Variants in CSMD1 observed in about 807,000 individuals in gnomAD.
The protein encoded by CSMD1 is CUB and Sushi multiple domains 1.
A neutral mutation model predicts 417.5 loss-of-function variants in CSMD1; 213 were observed. The observed-to-expected ratio is 0.51, with a 90% CI of 0.46 to 0.57. CSMD1 has a LOEUF of 0.57. Among genes scored for constraint, CSMD1 ranks in the 20% least tolerant of loss-of-function variants. The pLI is 0.00. For missense variants in CSMD1, 6,923 were observed against 4,529.7 expected (o/e 1.53, Z -15.17); for synonymous variants, 2,862 against 1,736.8 (o/e 1.65, Z -16.11).
At chr8:3,335,259 C>G (rs1188206887) in intron 23 of CSMD1, among the ~76,000 whole-genome samples, 1 of 152,180 alleles carries the variant, frequency 6.6e-6, no homozygotes, top group Non-Finnish European at 1.5e-5. Context: ...ATTCACAGTT[C>G]CAACCTCTCA....
At chr8:3,433,182 T>C (rs1296831219) in intron 12 of CSMD1, among the ~76,000 whole-genome samples, 2 of 152,210 alleles carry the variant, frequency 1.3e-5, no homozygotes, top group Admixed American at 6.5e-5. Flanking sequence ...GAAATAGAAA[T>C]AAACTTTATT....
rs143320614 is a variant in CSMD1 at position 3,936,778 on chromosome 8, T to C, written c.818+61125A>G. Among the ~76,000 whole-genome samples, 14 of 152,302 alleles carry C rather than the reference T, an allele frequency of 9.2e-5. No homozygotes were observed. The East Asian group carries it at 2.7e-3, about 29-fold the overall frequency. Reference sequence around the variant, plus strand: ...CAGCCCAAGAAACACGAAAAACTTTTGACTTTCAATTATTGTTATTTAAGA... The same window carrying C: ...CAGCCCAAGAAACACGAAAAACTTTCGACTTTCAATTATTGTTATTTAAGA... On this transcript the variant is annotated intron_variant, in intron 5 of 69. Coordinates refer to ENST00000635120, the MANE Select transcript of CSMD1 (RefSeq NM_033225.6).
intron 3 of CSMD1, among the ~76,000 whole-genome samples, chr8:4,122,364 T>G (rs1341430440): frequency 9.2e-5 from 14 of 152,136 alleles, no homozygotes; most frequent in Non-Finnish European, 5.9e-5. Flanking sequence ...TACTATATAC[T>G]CAGTGCCAAC....
intron 4 of CSMD1, among the ~76,000 whole-genome samples, chr8:4,027,397 T>C (rs936004173): frequency 1.3e-5 from 2 of 152,026 alleles, no homozygotes; most frequent in African/African-American, 4.8e-5. Flanking sequence ...TCCCCATGAG[T>C]TGGGGAGGCA....
At chr8:3,421,384 C>G (rs1026624229) in intron 12 of CSMD1, among the ~76,000 whole-genome samples, 8 of 152,084 alleles carry the variant, frequency 5.3e-5, no homozygotes, top group Admixed American at 2.6e-4. Context: ...AAAGGAATGA[C>G]CAAATGCAAA....
At chr8:3,786,509 G>C (rs1427603044) in intron 5 of CSMD1, among the ~76,000 whole-genome samples, 1 of 152,078 alleles carries the variant, frequency 6.6e-6, no homozygotes, top group Non-Finnish European at 1.5e-5. Flanking sequence ...CCTAGGAGTG[G>C]GTGAGAGCCA....
chr8:4,791,703 T>C (rs1481989439), intron 1 of CSMD1, among the ~76,000 whole-genome samples: 1 of 152,172 alleles, frequency 6.6e-6, no homozygotes. Flanking sequence ...CTGGTACCAT[T>C]GTGCAAGCCA....
intron 26 of CSMD1, among the ~76,000 whole-genome samples, chr8:3,258,580 A>G (rs1434659039): frequency 1.3e-5 from 2 of 152,170 alleles, no homozygotes; most frequent in Non-Finnish European, 2.9e-5. Context: ...GGACCTAGCA[A>G]TCCATTATTG....
chr8:3,917,635 T>A (rs1029225925), intron 5 of CSMD1, among the ~76,000 whole-genome samples: 17 of 152,092 alleles, frequency 1.1e-4, no homozygotes, highest in Admixed American at 1.1e-3. Flanking sequence ...TTCTTAAAAA[T>A]GCTTATTATG....
chr8:4,760,505 A>G (rs1177227895), intron 1 of CSMD1, among the ~76,000 whole-genome samples: 1 of 152,198 alleles, frequency 6.6e-6, no homozygotes, highest in Non-Finnish European at 1.5e-5. Context: ...TAATTTCCCA[A>G]TCAATAGAAA....
At position 3,038,956 on chromosome 8, in the gene CSMD1, T is replaced by C. The variant is rs12541252; in HGVS notation, c.7661-9443A>G. Among the ~76,000 whole-genome samples the C allele has an allele frequency of 6.8e-4, 103 of 151,960 alleles. 3 individuals are homozygous for C. The East Asian group carries it at 0.019, about 28-fold the overall frequency. The stretch of plus-strand genomic sequence containing the variant: ...GCATCTGAGCTGGTGACTATATAGA[T>C]TAGGTAAACTGATAAGAAATTCTAC... On this transcript the variant is annotated intron_variant, in intron 50 of 69. Coordinates refer to ENST00000635120, the MANE Select transcript of CSMD1 (RefSeq NM_033225.6).
intron 1 of CSMD1, among the ~76,000 whole-genome samples, chr8:4,646,311 C>T (rs1299774639): frequency 1.3e-5 from 2 of 152,148 alleles, no homozygotes; most frequent in Non-Finnish European, 2.9e-5. Context: ...AGTGATGACA[C>T]TTCATCTTGG....
intron 1 of CSMD1, among the ~76,000 whole-genome samples, chr8:4,652,212 C>A (rs896865126): frequency 6.6e-6 from 1 of 151,936 alleles, no homozygotes; most frequent in African/African-American, 2.4e-5. Context: ...TCAAAAGAAC[C>A]ATAAAAATCA....
intron 2 of CSMD1, among the ~76,000 whole-genome samples, chr8:4,434,183 C>T (rs149980831): frequency 6.6e-6 from 1 of 152,088 alleles, no homozygotes; most frequent in Non-Finnish European, 1.5e-5. Context: ...ACTAAAAATA[C>T]AGAAATTATC....
chr8:3,717,744 G>C (rs932403444), intron 6 of CSMD1, among the ~76,000 whole-genome samples: 1 of 152,138 alleles, frequency 6.6e-6, no homozygotes, highest in African/African-American at 2.4e-5. Flanking sequence ...TTATTATTCT[G>C]CCTTTATGAC....
intron 1 of CSMD1, among the ~76,000 whole-genome samples, chr8:4,915,689 T>A (rs1478169995): frequency 6.6e-6 from 1 of 152,188 alleles, no homozygotes. Context: ...GGCAGTGGAT[T>A]TCGGGAGAGG....
At chr8:3,177,225 G>C (rs1489989728) in intron 37 of CSMD1, among the ~76,000 whole-genome samples, 6 of 152,200 alleles carry the variant, frequency 3.9e-5, no homozygotes, top group Admixed American at 6.5e-5. Flanking sequence ...TGGGCCTCGT[G>C]TGACTCTGGA....
intron 6 of CSMD1, among the ~76,000 whole-genome samples, chr8:3,727,489 G>A (rs1802561676): frequency 6.6e-6 from 1 of 152,188 alleles, no homozygotes; most frequent in Admixed American, 6.5e-5. Flanking sequence ...AGAGTAAGAA[G>A]CTAGAGCTCT....
intron 2 of CSMD1, among the ~76,000 whole-genome samples, chr8:4,592,534 C>G (rs917584994): frequency 6.6e-6 from 1 of 151,784 alleles, no homozygotes; most frequent in Non-Finnish European, 1.5e-5. Context: ...CTACAGGGGC[C>G]GGCCACCACG....
Sources: gnomAD v4.1 joint callset for allele counts (sites outside exome capture counted in the v4.1 genomes callset) on GRCh38, gnomAD v4.1.1 for gene constraint, MANE v1.5 for transcripts, NCBI Gene and HGNC (gene_info 2026-07-23, HGNC 2026-07-21) for gene names.